TUBGCP5: variants seen among roughly 807,000 people sequenced by gnomAD.
The protein encoded by TUBGCP5 is gamma-tubulin complex component 5.
A neutral mutation model predicts 134.7 loss-of-function variants in TUBGCP5; 98 were observed. The ratio of observed to expected loss-of-function variants is 0.73; its 90% CI spans 0.62 to 0.86. The LOEUF is 0.86. Ranked by LOEUF, TUBGCP5 falls within the 40% of genes least tolerant of loss-of-function variation. The pLI, the probability that TUBGCP5 is intolerant of heterozygous loss-of-function variation, is 0.00. For synonymous variants in TUBGCP5, 456 were observed against 431.4 expected, an observed-to-expected ratio of 1.06 and a Z score of -0.71; for missense variants, 1,150 against 1,244.8, an observed-to-expected ratio of 0.92 and a Z score of 1.15.
chr15:23,033,106 T>TA (rs1409220622), intron 3 of TUBGCP5, among the ~76,000 whole-genome samples: 2 of 152,182 alleles, frequency 1.3e-5, no homozygotes, highest in Non-Finnish European at 2.9e-5. Flanking sequence ...CGGAAATGTC[T>TA]TTAGAGTATA....
intron 22 of TUBGCP5, 78 bp downstream of exon 22, chr15:23,000,491 T>A (rs758354822): frequency 5.1e-6 from 8 of 1,560,066 alleles, no homozygotes; most frequent in Non-Finnish European, 6.9e-6. Flanking sequence ...CTTCATGGGA[T>A]CAGTAACAAA....
chr15:22,995,589 A>C (rs1595796760), downstream of TUBGCP5, among the ~76,000 whole-genome samples: 7 of 151,164 alleles, frequency 4.6e-5, no homozygotes, highest in South Asian at 1.5e-3. Flanking sequence ...AAAAAAAAAA[A>C]CAAAACAAAA....
In TUBGCP5 at chr15:23,008,825, G is replaced by T; in HGVS notation, c.2201C>A (p.Thr734Asn). 1 of 1,591,840 alleles carries T rather than the reference G, an allele frequency of 6.3e-7. No homozygotes were observed. The highest frequency in any genetic ancestry group is 1.9e-5 in the Admixed American group (1 of 52,776). Residue 734 changes from threonine (T) to asparagine (N), a missense_variant, in exon 16 of 23, where the codon ACC becomes AAC. By Grantham distance (65) the Thr-to-Asn change is moderately conservative. Coordinates refer to ENST00000615383, the MANE Select transcript of TUBGCP5 (RefSeq NM_052903.6). The stretch of plus-strand genomic sequence containing the variant: ...AATTGACGTGTAGAAGTCATACATG[G>T]TATCTCCTCCTTCCATTAAGAAAAA... ...RNFFLMEGGDTMYDFYTSIFD... is the reference protein window; with the variant it reads ...RNFFLMEGGDNMYDFYTSIFD...
intron 20 of TUBGCP5, among the ~76,000 whole-genome samples, chr15:23,003,769 C>T (rs1457912488): frequency 6.6e-6 from 1 of 151,658 alleles, no homozygotes; most frequent in Non-Finnish European, 1.5e-5. Flanking sequence ...GCTCCCACCT[C>T]AGCCTCCCAA....
chr15:22,997,024 A>G (rs2064116448), downstream of TUBGCP5: 1 of 152,066 alleles, frequency 6.6e-6, no homozygotes, highest in Non-Finnish European at 1.5e-5. Context: ...CACTCTGAAC[A>G]TAGTTACTTC....
intron 23 of TUBGCP5, among the ~76,000 whole-genome samples, chr15:22,987,530 G>T (rs926118921): frequency 7.2e-5 from 11 of 151,952 alleles, no homozygotes; most frequent in African/African-American, 2.7e-4. Flanking sequence ...GGCATTAGGA[G>T]GTGGGGCCTT....
Position 23,014,397 on chromosome 15 carries a change from C to T in TUBGCP5, c.1757-3066G>A, listed in dbSNP as rs544606024. Among the ~76,000 whole-genome samples, 215 of 152,320 alleles carry T rather than the reference C, an allele frequency of 1.4e-3. 1 individual carries two copies. The highest frequency in any genetic ancestry group is 4.9e-3 in the African/African-American group (202 of 41,578). On this transcript the variant is annotated intron_variant, in intron 13 of 22. Transcript: ENST00000615383. ...GCCTGGGAGTCACAGGCCAACAGAGCGGCCACAGGCCTGCATACTGGGCCT... is the reference window on the plus strand; with the variant it reads ...GCCTGGGAGTCACAGGCCAACAGAGTGGCCACAGGCCTGCATACTGGGCCT...
chr15:23,004,059 C>G (rs2064555907), intron 20 of TUBGCP5, 43 bp downstream of exon 20: 1 of 1,559,418 alleles, frequency 6.4e-7, no homozygotes, highest in Non-Finnish European at 8.6e-7. Flanking sequence ...GACAGCGCCA[C>G]TCGCCCAGCA....
intron 1 of TUBGCP5, among the ~76,000 whole-genome samples, 155 bp downstream of exon 1, chr15:23,039,243 G>C (rs1002067287): frequency 1.3e-5 from 2 of 151,836 alleles, no homozygotes; most frequent in African/African-American, 4.8e-5. Flanking sequence ...GGCCGGCGGG[G>C]AGCAGGCGGT....
rs115951973 is a variant in TUBGCP5 at position 23,031,909 on chromosome 15, C to T, written c.486+41G>A. The T allele has an allele frequency of 3.1e-4, 468 of 1,490,562 alleles. 2 individuals are homozygous for T. The African/African-American group carries it at 5.8e-3, about 18-fold the overall frequency. 92.3% of individuals were successfully genotyped at this position (1,490,562 alleles called of 1,614,324 possible). On this transcript the variant is annotated intron_variant, in intron 5 of 22. Transcript: ENST00000615383. ...CATGAAAATCATCTATATCACCTGGCGTGTATTTCAATTTTCAATAGCAAA... is the reference window on the plus strand; with the variant it reads ...CATGAAAATCATCTATATCACCTGGTGTGTATTTCAATTTTCAATAGCAAA...
chr15:23,000,740 G>A (rs2064324436), intron 21 of TUBGCP5, 71 bp from the exon 22 acceptor site: 2 of 1,119,452 alleles, frequency 1.8e-6, no homozygotes, highest in Admixed American at 2.6e-5. Context: ...AGATATCTGT[G>A]GAGTAATTTC....
chr15:22,983,900 T>C (rs546067936), intron 23 of TUBGCP5, among the ~76,000 whole-genome samples: 64 of 151,610 alleles, frequency 4.2e-4, no homozygotes, highest in African/African-American at 1.4e-3. Flanking sequence ...AGGCAGTGGA[T>C]TGCTTGAGCT....
chr15:23,026,440 T>G (rs2065990847), intron 7 of TUBGCP5, among the ~76,000 whole-genome samples: 1 of 152,186 alleles, frequency 6.6e-6, no homozygotes, highest in African/African-American at 2.4e-5. Context: ...TGTTTACAAC[T>G]ATGTAATGTT....
At chr15:22,992,499 T>C (rs1175470743) in intron 23 of TUBGCP5, among the ~76,000 whole-genome samples, 2 of 152,132 alleles carry the variant, frequency 1.3e-5, no homozygotes, top group Admixed American at 1.3e-4. Flanking sequence ...TATATGTATG[T>C]ATATGTGTGT....
At chr15:23,019,805 A>G (rs958024647) in intron 11 of TUBGCP5, among the ~76,000 whole-genome samples, 1 of 149,708 alleles carries the variant, frequency 6.7e-6, no homozygotes, top group Admixed American at 6.7e-5. Flanking sequence ...AAACAAAAAG[A>G]AAAAAAAAAG....
chr15:23,022,218 G>GCTGTATTTTAGCA (rs2065745534), intron 10 of TUBGCP5, 57 bp from the exon 11 acceptor site: 3 of 1,565,142 alleles, frequency 1.9e-6, no homozygotes, highest in Non-Finnish European at 2.6e-6. Context: ...CATCTAAAAT[G>GCTGTATTTTAGCA]TGACATAAAT....
chr15:23,017,824 G>A lies in TUBGCP5; in HGVS notation c.1705C>T (p.Leu569=). The A allele has an allele frequency of 3.1e-6, 5 of 1,613,972 alleles. No individual in the cohort carries two copies. Among genetic ancestry groups the A allele is most frequent in the Non-Finnish European group, 4.2e-6 (5 of 1,179,890 alleles). The change falls in exon 13 of 23, where the codon CTG becomes TTG. Residue 569 remains leucine, a synonymous_variant. Coordinates refer to ENST00000615383, the MANE Select transcript of TUBGCP5 (RefSeq NM_052903.6). ...IIMAGKSMQL[L]KNLQCAESTT... is the part of the protein sequence containing the mutation. Reference sequence around the variant, plus strand: ...CTCTCCGCACACTGCAGGTTCTTCAGCAGCTGCATCGACTTGCCAGCCATT... The same window carrying A: ...CTCTCCGCACACTGCAGGTTCTTCAACAGCTGCATCGACTTGCCAGCCATT...
intron 6 of TUBGCP5, among the ~76,000 whole-genome samples, chr15:23,028,773 T>TACGG (rs2066126063): frequency 6.6e-6 from 1 of 152,282 alleles, no homozygotes; most frequent in South Asian, 2.1e-4. Context: ...TTGCTTCTGC[T>TACGG]ACGGACTAGA....
rs1354208837 is a variant in TUBGCP5, at chr15:23,020,595, A to G, written c.1372-1261T>C. Among the ~76,000 whole-genome samples, 112 of 151,492 alleles carry G rather than the reference A, an allele frequency of 7.4e-4. 1 individual carries two copies. Among genetic ancestry groups the G allele is most frequent in the African/African-American group, 2.4e-3 (101 of 41,458 alleles). ...GCAAGACTACGTCTCAAAAAAAAAA[A>G]AAAAAAAAAAAGAAAAAAAGAAATA... On this transcript the variant is annotated intron_variant, in intron 11 of 22. Transcript: ENST00000615383.
Sources: allele counts gnomAD v4.1 joint callset (sites outside exome capture counted in the v4.1 genomes callset), GRCh38; gene constraint gnomAD v4.1.1; transcripts MANE v1.5; gene names NCBI Gene and HGNC (gene_info 2026-07-23, HGNC 2026-07-21).